The following SDK1 variants were observed in gnomAD, a reference collection of about 807,000 sequenced individuals.
SDK1 encodes the protein sidekick cell adhesion molecule 1, also known as protein sidekick-1.
Under a neutral mutation model 245.5 loss-of-function variants are expected in SDK1, and 157 were observed. That is an observed-to-expected ratio of 0.64 (90% CI 0.56 to 0.73). The LOEUF (loss-of-function observed/expected upper bound fraction) is 0.73, where lower values mean the gene tolerates loss of function less well. Ranked by LOEUF, SDK1 falls within the 30% of genes least tolerant of loss-of-function variation. SDK1 has a pLI of 0.00. For missense variants in SDK1, 3,583 were observed against 3,002.3 expected (o/e 1.19, Z -4.52); for synonymous variants, 1,647 against 1,278.5 (o/e 1.29, Z -6.15).
At chr7:4,134,753 G>C (rs1366503846) in intron 28 of SDK1, 1 of 152,390 alleles carries the variant, frequency 6.6e-6, no homozygotes, top group Admixed American at 6.5e-5. Context: ...CAGCTTACCG[G>C]GCTGCCAAGG....
chr7:3,679,037 G>A (rs1013139803), intron 4 of SDK1, among the ~76,000 whole-genome samples: 3 of 152,148 alleles, frequency 2.0e-5, no homozygotes, highest in African/African-American at 7.2e-5. Flanking sequence ...AGAGCCTACG[G>A]ATTAGTGAAC....
At chr7:4,139,649 A>T (rs1346984617) in intron 28 of SDK1, among the ~76,000 whole-genome samples, 1 of 97,318 alleles carries the variant, frequency 1.0e-5, no homozygotes, top group African/African-American at 4.6e-5. Context: ...GTGTGTGTAT[A>T]TGTGTGTGTG....
chr7:4,200,623 G>T (rs954689922), intron 35 of SDK1, among the ~76,000 whole-genome samples: 1 of 152,210 alleles, frequency 6.6e-6, no homozygotes, highest in Non-Finnish European at 1.5e-5. Context: ...TTGCCATGAA[G>T]GGCCTCTCCA....
At chr7:3,947,417 T>G (rs1006428383) in intron 5 of SDK1, among the ~76,000 whole-genome samples, 1 of 152,212 alleles carries the variant, frequency 6.6e-6, no homozygotes, top group African/African-American at 2.4e-5. Context: ...ATTTACTATG[T>G]AAAGATTATC....
chr7:3,383,500 C>G (rs1045287573), intron 1 of SDK1, among the ~76,000 whole-genome samples: 1 of 152,134 alleles, frequency 6.6e-6, no homozygotes, highest in African/African-American at 2.4e-5. Flanking sequence ...TTAGCCATCT[C>G]TTTTTGGCCT....
rs780681870 is a variant in SDK1, at chr7:3,969,417, T to A, written c.1707T>A (p.Thr569=). The part of the protein sequence containing the change: ...EGSLNASATL[T]VWNRTSIVHP... Reference sequence around the variant, plus strand: ...CCCTGAATGCATCGGCCACGCTCACTGTGTGGAGTAAGGAGCAGCCCTCGC... The same window carrying A: ...CCCTGAATGCATCGGCCACGCTCACAGTGTGGAGTAAGGAGCAGCCCTCGC... The change falls in exon 11 of 45, where the codon ACT becomes ACA. Residue 569 remains threonine (T), a synonymous_variant. Coordinates refer to ENST00000404826, the MANE Select transcript of SDK1 (RefSeq NM_152744.4). 2 of 1,594,314 alleles carry A rather than the reference T, an allele frequency of 1.3e-6. No homozygotes were observed. The highest frequency in any genetic ancestry group is 1.7e-6 in the Non-Finnish European group (2 of 1,169,818).
At chr7:3,474,244 C>T (rs73296781) in intron 1 of SDK1, among the ~76,000 whole-genome samples, 4,301 of 150,984 alleles carry the variant, frequency 0.028, 214 homozygotes, top group African/African-American at 0.099. Flanking sequence ...TGGTGGCGTG[C>T]GCCACCACGA....
intron 14 of SDK1, among the ~76,000 whole-genome samples, chr7:3,987,593 C>T (rs991952145): frequency 3.3e-5 from 5 of 152,084 alleles, no homozygotes; most frequent in African/African-American, 7.2e-5. Flanking sequence ...AGGGCTGCCC[C>T]GCACAGTGTC....
At position 4,195,096 on chromosome 7, in the gene SDK1, A is replaced by G. The variant is rs1240122991; in HGVS notation, c.5099-10783A>G. Among the ~76,000 whole-genome samples the G allele has an allele frequency of 3.9e-5, 6 of 152,350 alleles. No homozygotes were observed. The South Asian group carries it at 8.3e-4, about 21-fold the overall frequency. On this transcript the variant is annotated intron_variant, in intron 35 of 44. Transcript: ENST00000404826. ...AAAAAAATTTGTATTTTTAATTGAC[A>G]TATAATAATCGTATACATTTATGGA...
At chr7:4,113,190 T>G (rs1783459390) in intron 23 of SDK1, 99 bp from the exon 24 acceptor site, 2 of 1,294,396 alleles carry the variant, frequency 1.5e-6, no homozygotes, top group East Asian at 2.3e-5. Flanking sequence ...GACACCTATC[T>G]GAGCCCTCCC....
intron 4 of SDK1, among the ~76,000 whole-genome samples, chr7:3,812,132 C>G (rs765150795): frequency 1.6e-4 from 24 of 152,226 alleles, no homozygotes; most frequent in Non-Finnish European, 2.9e-5. Context: ...TGTTAACACA[C>G]ACAGTAGGCA....
intron 4 of SDK1, among the ~76,000 whole-genome samples, chr7:3,773,892 GA>G (rs1401822630): frequency 6.6e-6 from 1 of 152,150 alleles, no homozygotes; most frequent in Non-Finnish European, 1.5e-5. Context: ...CCTAAAAGAA[GA>G]GAAAGAGAAA....
chr7:3,908,386 G>A (rs548937441), intron 5 of SDK1, among the ~76,000 whole-genome samples: 7 of 152,130 alleles, frequency 4.6e-5, no homozygotes, highest in Admixed American at 1.3e-4. Context: ...TCCCCACCAC[G>A]AACCTCGTGT....
intron 1 of SDK1, among the ~76,000 whole-genome samples, chr7:3,409,124 A>G (rs1175715462): frequency 6.6e-6 from 1 of 152,132 alleles, no homozygotes; most frequent in African/African-American, 2.4e-5. Flanking sequence ...TGAGATAAAA[A>G]CAAAACCAGA....
chr7:3,739,753 A>G (rs1382438954), intron 4 of SDK1, among the ~76,000 whole-genome samples: 1 of 152,166 alleles, frequency 6.6e-6, no homozygotes, highest in East Asian at 1.9e-4. Context: ...AAAGTCTAGC[A>G]TACCTTAGGG....
chr7:3,390,334 G>C (rs1781717868), intron 1 of SDK1, among the ~76,000 whole-genome samples: 1 of 152,112 alleles, frequency 6.6e-6, no homozygotes, highest in African/African-American at 2.4e-5. Flanking sequence ...GTTTAGCTTT[G>C]CTCATCAGCC....
chr7:4,154,312 G>T (rs1003260996), intron 30 of SDK1, among the ~76,000 whole-genome samples: 1 of 152,186 alleles, frequency 6.6e-6, no homozygotes, highest in African/African-American at 2.4e-5. Flanking sequence ...AGTTCTGATA[G>T]CAAGTTCAGA....
Position 4,149,295 on chromosome 7 carries a change from C to A in SDK1, c.4457C>A (p.Pro1486His). 4 of 1,562,054 alleles carry A rather than the reference C, an allele frequency of 2.6e-6. No homozygotes were observed. The highest frequency in any genetic ancestry group is 3.5e-6 in the Non-Finnish European group (4 of 1,153,792). ...GCACCCCCCAGAGAGCTCCTGGTGC[C>A]CCAGGCAGAAGTGACCGCACGCAGC... ...RPAPPRELLV[P>H]QAEVTARSLR... Residue 1486 changes from proline (P) to histidine (H), a missense_variant, in exon 30 of 45, where the codon CCC (proline) becomes CAC (histidine). Physicochemically the swap from Pro to His is moderately conservative, Grantham distance 77 (BLOSUM62 -2). Transcript: ENST00000404826.
chr7:4,185,310 C>T (rs1040182533), intron 35 of SDK1, among the ~76,000 whole-genome samples: 1 of 152,146 alleles, frequency 6.6e-6, no homozygotes, highest in Non-Finnish European at 1.5e-5. Context: ...AGTTCTGGGC[C>T]CAGCTCCACA....
Sources: allele counts gnomAD v4.1 joint callset (sites outside exome capture counted in the v4.1 genomes callset), GRCh38; gene constraint gnomAD v4.1.1; transcripts MANE v1.5; gene names NCBI Gene and HGNC (gene_info 2026-07-23, HGNC 2026-07-21).